Variants in MICU3 observed in about 807,000 individuals in gnomAD.
MICU3 encodes the protein mitochondrial calcium uptake 3.
A neutral mutation model predicts 66.5 loss-of-function variants in MICU3; 62 were observed. The observed-to-expected ratio is 0.93, with a 90% confidence interval of 0.76 to 1.15. MICU3 has a LOEUF of 1.15. MICU3 is among the 50% of genes most tolerant of loss of function. The pLI, the probability that MICU3 is intolerant of heterozygous loss-of-function variation, is 0.00. For missense variants in MICU3, 779 were observed against 664.4 expected, an observed-to-expected ratio of 1.17 and a Z score of -1.90; for synonymous variants, 308 against 240.7, an observed-to-expected ratio of 1.28 and a Z score of -2.59.
chr8:17,124,818 TC>T (rs757632169), downstream of MICU3, among the ~76,000 whole-genome samples: 1 of 152,128 alleles, frequency 6.6e-6, no homozygotes, highest in East Asian at 1.9e-4. Flanking sequence ...CCCACTGTCT[TC>T]CAGCTTCCAG....
chr8:17,073,827 GAATA>G (rs1021196954), intron 3 of MICU3, among the ~76,000 whole-genome samples: 4 of 152,112 alleles, frequency 2.6e-5, no homozygotes, highest in African/African-American at 9.7e-5. Context: ...GAGTGAAAAT[GAATA>G]AATACATTAT....
chr8:17,112,124 C>G (rs557773632), intron 11 of MICU3, among the ~76,000 whole-genome samples: 4 of 152,138 alleles, frequency 2.6e-5, no homozygotes, highest in African/African-American at 4.8e-5. Context: ...ATAGGTCCCT[C>G]CCTCCCTGGA....
chr8:17,107,628 T>G (rs1168845885), intron 11 of MICU3, among the ~76,000 whole-genome samples: 4 of 152,182 alleles, frequency 2.6e-5, no homozygotes, highest in Non-Finnish European at 4.4e-5. Flanking sequence ...AACACAGCCA[T>G]TCTCATTCAT....
the MICU3 span, among the ~76,000 whole-genome samples, chr8:17,137,705 CTTTT>C: frequency 1.3e-4 from 13 of 102,880 alleles, no homozygotes; most frequent in Non-Finnish European, 2.7e-4. Flanking sequence ...TTTTCTTTTC[CTTTT>C]TTTTTTTTTT....
chr8:17,117,670 G>A (rs570563502), intron 13 of MICU3, among the ~76,000 whole-genome samples: 5 of 149,238 alleles, frequency 3.4e-5, no homozygotes, highest in South Asian at 4.2e-4. Flanking sequence ...GTGCAGTGGC[G>A]CAATCTCAGC....
At chr8:17,031,011 G>A (rs1208290067) in intron 1 of MICU3, among the ~76,000 whole-genome samples, 1 of 151,912 alleles carries the variant, frequency 6.6e-6, no homozygotes, top group African/African-American at 2.4e-5. Context: ...TGAATTTAAT[G>A]TGGTTAGGGG....
intron 4 of MICU3, among the ~76,000 whole-genome samples, chr8:17,079,494 G>C (rs1481725128): frequency 6.6e-6 from 1 of 151,946 alleles, no homozygotes; most frequent in Non-Finnish European, 1.5e-5. Context: ...GAAATTTTAA[G>C]ACTAAATCTT....
intron 13 of MICU3, among the ~76,000 whole-genome samples, chr8:17,118,118 T>G (rs1222103720): frequency 6.6e-6 from 1 of 152,174 alleles, no homozygotes; most frequent in Non-Finnish European, 1.5e-5. Context: ...ATCGTTTATT[T>G]TGCCTCAAAA....
chr8:17,064,348 C>T (rs1178840184), intron 2 of MICU3, 111 bp downstream of exon 2: 4 of 741,020 alleles, frequency 5.4e-6, no homozygotes, highest in Non-Finnish European at 8.5e-6. Context: ...TGTGGTATTT[C>T]ACATGATATT....
intron 9 of MICU3, among the ~76,000 whole-genome samples, chr8:17,100,525 G>T (rs768958001): frequency 6.6e-6 from 1 of 151,682 alleles, no homozygotes; most frequent in Non-Finnish European, 1.5e-5. Context: ...GCGGAACACA[G>T]AATTGTTTAT....
chr8:17,037,295 A>T (rs1171940600), intron 1 of MICU3, among the ~76,000 whole-genome samples: 1 of 152,162 alleles, frequency 6.6e-6, no homozygotes, highest in East Asian at 1.9e-4. Context: ...AGAGCTCCTC[A>T]AGTGCTGCCA....
At chr8:17,118,581 G>A in intron 13 of MICU3, 126 bp from the exon 14 acceptor site, 1 of 540,972 alleles carries the variant, frequency 1.8e-6, no homozygotes, top group Non-Finnish European at 3.3e-6. Flanking sequence ...CAGCCTTCCA[G>A]CCTCTGGTAA....
chr8:17,134,875 C>G, the MICU3 span, among the ~76,000 whole-genome samples: 1 of 152,274 alleles, frequency 6.6e-6, no homozygotes, highest in South Asian at 2.1e-4. Flanking sequence ...ACAGACACAC[C>G]CAGAATAACA....
At chr8:17,117,764 G>A (rs573230962) in intron 13 of MICU3, among the ~76,000 whole-genome samples, 144 of 152,032 alleles carry the variant, frequency 9.5e-4, no homozygotes, top group Non-Finnish European at 1.7e-3. Context: ...GTGCACAACC[G>A]TGCCCGGGTA....
At chr8:17,102,255 G>C (rs569528857) in intron 9 of MICU3, among the ~76,000 whole-genome samples, 1 of 151,722 alleles carries the variant, frequency 6.6e-6, no homozygotes, top group African/African-American at 2.4e-5. Flanking sequence ...CTCCACTCGA[G>C]CATGGAGTAA....
chr8:17,094,681 T>C (rs1800477468), intron 8 of MICU3, among the ~76,000 whole-genome samples: 1 of 151,986 alleles, frequency 6.6e-6, no homozygotes, highest in Non-Finnish European at 1.5e-5. Context: ...GAAATCTGAA[T>C]AACCATGGTT....
chr8:17,098,738 T>C (rs529524262), intron 9 of MICU3, among the ~76,000 whole-genome samples, 185 bp downstream of exon 9: 1 of 151,888 alleles, frequency 6.6e-6, no homozygotes, highest in East Asian at 1.9e-4. Context: ...TTGAACTTAA[T>C]TAAAAGGAAA....
At chr8:17,031,303 T>TATTATTA (rs1812023744) in intron 1 of MICU3, among the ~76,000 whole-genome samples, 2 of 148,984 alleles carry the variant, frequency 1.3e-5, no homozygotes. Flanking sequence ...TTATTATTAT[T>TATTATTA]TTGAGACATA....
chr8:17,078,948 A>G (rs191379746), intron 4 of MICU3, among the ~76,000 whole-genome samples: 25 of 152,300 alleles, frequency 1.6e-4, no homozygotes, highest in Admixed American at 1.4e-3. Context: ...GGAAAATTCA[A>G]AGCTCATAAG....
Sources: gnomAD v4.1 joint callset for allele counts (sites outside exome capture counted in the v4.1 genomes callset) on GRCh38, gnomAD v4.1.1 for gene constraint, MANE v1.5 for transcripts, NCBI Gene and HGNC (gene_info 2026-07-23, HGNC 2026-07-21) for gene names.